The following NAALADL2 variants were observed in gnomAD, a reference collection of about 807,000 sequenced individuals.
NAALADL2 encodes N-acetylated alpha-linked acidic dipeptidase like 2, also known as inactive N-acetylated-alpha-linked acidic dipeptidase-like protein 2.
A neutral mutation model predicts 87.2 loss-of-function variants in NAALADL2; 76 were observed. The observed-to-expected ratio is 0.87, with a 90% CI of 0.72 to 1.05. NAALADL2 has a LOEUF of 1.05. Ranked by LOEUF, NAALADL2 falls within the 50% of genes least tolerant of loss-of-function variation. The pLI is 0.00. For synonymous variants in NAALADL2, 354 were observed against 331.0 expected, an observed-to-expected ratio of 1.07 and a Z score of -0.75; for missense variants, 1,089 against 945.8, an observed-to-expected ratio of 1.15 and a Z score of -1.99.
chr3:175,110,909 TG>T (rs1270654564), intron 2 of NAALADL2, among the ~76,000 whole-genome samples: 1 of 151,728 alleles, frequency 6.6e-6, no homozygotes, highest in African/African-American at 2.4e-5. Context: ...GAATTAAAGT[TG>T]TTTTTATTTT....
chr3:175,784,355 C>T (rs1751599108), intron 13 of NAALADL2, among the ~76,000 whole-genome samples: 2 of 151,810 alleles, frequency 1.3e-5, no homozygotes, highest in South Asian at 2.1e-4. Flanking sequence ...GGTTGGTAAA[C>T]TATTGATTAT....
chr3:175,677,595 T>TCA (rs2149869879), intron 11 of NAALADL2, among the ~76,000 whole-genome samples: 1 of 151,748 alleles, frequency 6.6e-6, no homozygotes, highest in African/African-American at 2.4e-5. Flanking sequence ...AATTTATCCT[T>TCA]CATTACCCCA....
At chr3:174,802,503 T>A (rs978005708) in intron 3 of NAALADL2, among the ~76,000 whole-genome samples, 2 of 152,178 alleles carry the variant, frequency 1.3e-5, no homozygotes, top group Admixed American at 6.6e-5. Context: ...ATTATTATAC[T>A]TTAAGTTCTA....
At chr3:175,714,485 T>C (rs2150010890) in intron 11 of NAALADL2, among the ~76,000 whole-genome samples, 1 of 152,326 alleles carries the variant, frequency 6.6e-6, no homozygotes, top group South Asian at 2.1e-4. Context: ...TGACCAGTGT[T>C]GATGAGCTTT....
chr3:175,394,369 T>C (rs547628224), intron 5 of NAALADL2, among the ~76,000 whole-genome samples: 19 of 152,344 alleles, frequency 1.2e-4, no homozygotes, highest in Non-Finnish European at 2.1e-4. Flanking sequence ...GGAGGACTTC[T>C]ACTTTAGGCG....
chr3:175,022,355 A>G (rs931150130), intron 1 of NAALADL2, among the ~76,000 whole-genome samples: 2 of 152,006 alleles, frequency 1.3e-5, no homozygotes, highest in Admixed American at 1.3e-4. Context: ...TAATAGAGAA[A>G]TTTCAAGGAC....
chr3:175,014,231 C>T (rs1307451924), intron 1 of NAALADL2, among the ~76,000 whole-genome samples: 2 of 152,042 alleles, frequency 1.3e-5, no homozygotes, highest in Non-Finnish European at 2.9e-5. Flanking sequence ...CGTGATGTTG[C>T]TTCTGCCAGT....
intron 2 of NAALADL2, among the ~76,000 whole-genome samples, chr3:174,707,755 T>G (rs1167245232): frequency 6.6e-6 from 1 of 151,846 alleles, no homozygotes; most frequent in African/African-American, 2.4e-5. Context: ...GTAAAAATCC[T>G]GCACGTTGTG....
chr3:175,328,781 T>G (rs1185712078), intron 5 of NAALADL2, among the ~76,000 whole-genome samples: 1 of 152,134 alleles, frequency 6.6e-6, no homozygotes, highest in African/African-American at 2.4e-5. Flanking sequence ...ATATTTGGCC[T>G]AAAATCATAA....
chr3:175,689,287 G>C (rs892327822), intron 11 of NAALADL2, among the ~76,000 whole-genome samples: 1 of 152,082 alleles, frequency 6.6e-6, no homozygotes, highest in Non-Finnish European at 1.5e-5. Flanking sequence ...ATTTTAAAAT[G>C]ATGAGATCAT....
chr3:174,981,381 G>A (rs1029765209), intron 1 of NAALADL2, among the ~76,000 whole-genome samples: 2 of 152,084 alleles, frequency 1.3e-5, no homozygotes, highest in Non-Finnish European at 2.9e-5. Context: ...CTTCAGAACA[G>A]TTAAAAAGTT....
At chr3:175,117,684 C>G (rs1244837944) in intron 2 of NAALADL2, among the ~76,000 whole-genome samples, 2 of 151,498 alleles carry the variant, frequency 1.3e-5, no homozygotes, top group Non-Finnish European at 2.9e-5. Context: ...TAAACTAGTT[C>G]AACCATTGTG....
At chr3:174,577,556 A>G (rs1715668433) in intron 2 of NAALADL2, among the ~76,000 whole-genome samples, 1 of 152,162 alleles carries the variant, frequency 6.6e-6, no homozygotes, top group Non-Finnish European at 1.5e-5. Context: ...ATGAAAAATG[A>G]CAGCTGAATA....
chr3:174,697,201 G>C (rs935149003), intron 2 of NAALADL2, among the ~76,000 whole-genome samples: 1 of 152,044 alleles, frequency 6.6e-6, no homozygotes, highest in Non-Finnish European at 1.5e-5. Context: ...TTATACTATG[G>C]AACAATCATT....
chr3:174,890,535 C>A (rs9869624), intron 1 of NAALADL2, among the ~76,000 whole-genome samples: 52,308 of 151,880 alleles, frequency 0.34, 9,507 homozygotes, highest in African/African-American at 0.47. Context: ...GAAATACAGA[C>A]AGAACAATTG....
At chr3:175,596,998 A>G (rs1240335630) in intron 10 of NAALADL2, among the ~76,000 whole-genome samples, 2 of 152,010 alleles carry the variant, frequency 1.3e-5, no homozygotes, top group African/African-American at 4.8e-5. Flanking sequence ...TGGCATTTAT[A>G]TGTAATATAT....
chr3:174,882,799 GTGTGTATATGTGCATA>G (rs1300780229), intron 1 of NAALADL2, among the ~76,000 whole-genome samples: 1,863 of 97,232 alleles, frequency 0.019, 67 homozygotes, highest in African/African-American at 0.1. Context: ...ATATATACAC[GTGTGTATATGTGCATA>G]TGTGTATATA....
intron 9 of NAALADL2, among the ~76,000 whole-genome samples, chr3:175,511,194 T>C (rs1370339198): frequency 6.6e-6 from 1 of 152,194 alleles, no homozygotes; most frequent in Non-Finnish European, 1.5e-5. Context: ...AAGCTAATCA[T>C]AATCTAGTCT....
intron 2 of NAALADL2, among the ~76,000 whole-genome samples, chr3:174,728,008 A>G (rs986716916): frequency 1.3e-5 from 2 of 152,060 alleles, no homozygotes; most frequent in African/African-American, 4.8e-5. Context: ...TCACTTACTA[A>G]TATGTACTTA....
Sources: gnomAD v4.1 joint callset for allele counts (sites outside exome capture counted in the v4.1 genomes callset) on GRCh38, gnomAD v4.1.1 for gene constraint, MANE v1.5 for transcripts, NCBI Gene and HGNC (gene_info 2026-07-23, HGNC 2026-07-21) for gene names.